Variants in CNGB3 observed in about 807,000 individuals in gnomAD.
The protein encoded by CNGB3 is cyclic nucleotide-gated channel beta-3.
In CNGB3, 86 loss-of-function variants were observed where a neutral mutation model predicts 92.8. That is an observed-to-expected ratio of 0.93 (90% CI 0.78 to 1.11). The LOEUF (loss-of-function observed/expected upper bound fraction) is 1.11, where lower values mean the gene tolerates loss of function less well. CNGB3 is among the 50% of genes least tolerant of loss of function. The probability of loss-of-function intolerance (pLI) is 0.00; values close to 1 mark genes in which losing one functional copy is unlikely to be tolerated. For synonymous variants in CNGB3, 333 were observed against 332.7 expected (o/e 1.00, Z -0.01); for missense variants, 1,026 against 956.8 (o/e 1.07, Z -0.95).
chr8:86,704,821 C>T lies in CNGB3; in HGVS notation c.338+21710G>A, dbSNP rs144090898. On this transcript the variant is annotated intron_variant, in intron 3 of 17. Coordinates refer to ENST00000320005, the MANE Select transcript of CNGB3 (RefSeq NM_019098.5). ...CTGACTGTCATTTTTAACATTGTTA[C>T]AATGGAAAAATGCATTAGGAGTTTC... 5.9e-3 allele frequency among the ~76,000 whole-genome samples: 899 copies of T among 152,212 alleles called. 8 individuals carry two copies. The highest frequency in any genetic ancestry group is 0.02 in the African/African-American group (830 of 41,546).
intron 6 of CNGB3, among the ~76,000 whole-genome samples, chr8:86,663,461 T>C (rs1823684811): frequency 6.6e-6 from 1 of 152,252 alleles, no homozygotes; most frequent in South Asian, 2.1e-4. Context: ...TAAGGCCTCC[T>C]GGTTTCTATT....
intron 15 of CNGB3, among the ~76,000 whole-genome samples, chr8:86,599,697 T>C (rs1822250306): frequency 6.6e-6 from 1 of 152,180 alleles, no homozygotes; most frequent in Non-Finnish European, 1.5e-5. Context: ...CCAGGCTTAT[T>C]AGGACGAGAA....
intron 3 of CNGB3, among the ~76,000 whole-genome samples, chr8:86,726,182 C>T (rs199719763): frequency 1.3e-5 from 2 of 152,248 alleles, no homozygotes; most frequent in East Asian, 3.9e-4. Context: ...TATTTGTGAG[C>T]TTGGAAAATT....
intron 3 of CNGB3, among the ~76,000 whole-genome samples, chr8:86,724,074 G>A (rs1436029882): frequency 6.6e-6 from 1 of 152,122 alleles, no homozygotes; most frequent in African/African-American, 2.4e-5. Flanking sequence ...ACTACCTATT[G>A]TGTACTGTGC....
chr8:86,705,824 T>C (rs1432554139), intron 3 of CNGB3, among the ~76,000 whole-genome samples: 1 of 152,182 alleles, frequency 6.6e-6, no homozygotes, highest in Admixed American at 6.5e-5. Flanking sequence ...CACCAATGCA[T>C]GGAGTTAGTT....
chr8:86,716,205 C>T (rs1824850046), intron 3 of CNGB3, among the ~76,000 whole-genome samples: 1 of 152,056 alleles, frequency 6.6e-6, no homozygotes, highest in African/African-American at 2.4e-5. Context: ...TGAACAAAGC[C>T]TCCAAGAAGT....
intron 15 of CNGB3, 124 bp from the exon 16 acceptor site, chr8:86,579,376 G>A: frequency 8.8e-7 from 1 of 1,131,354 alleles, no homozygotes; most frequent in Non-Finnish European, 1.3e-6. Context: ...TAGAGGTGAG[G>A]GTCCAGGTGA....
intron 15 of CNGB3, among the ~76,000 whole-genome samples, chr8:86,584,787 A>G (rs1821861195): frequency 6.6e-6 from 1 of 152,230 alleles, no homozygotes; most frequent in South Asian, 2.1e-4. Flanking sequence ...TTCTAATCCT[A>G]GAGCCACCTC....
At chr8:86,691,092 T>C (rs922655595) in intron 3 of CNGB3, among the ~76,000 whole-genome samples, 10 of 151,926 alleles carry the variant, frequency 6.6e-5, no homozygotes, top group African/African-American at 2.2e-4. Context: ...CCAATTCTGG[T>C]TTGGTATAAT....
At chr8:86,615,685 C>A (rs1267174594) in intron 13 of CNGB3, among the ~76,000 whole-genome samples, 2 of 151,568 alleles carry the variant, frequency 1.3e-5, no homozygotes, top group South Asian at 2.1e-4. Context: ...TAAACTCAAC[C>A]AATAGTGTGG....
At chr8:86,685,194 T>A (rs1193424611) in intron 3 of CNGB3, among the ~76,000 whole-genome samples, 1 of 152,132 alleles carries the variant, frequency 6.6e-6, no homozygotes, top group Non-Finnish European at 1.5e-5. Context: ...CCAAATTAAA[T>A]TTTTAATTCA....
chr8:86,634,388 G>T (rs990054373), intron 10 of CNGB3, among the ~76,000 whole-genome samples: 1 of 152,108 alleles, frequency 6.6e-6, no homozygotes, highest in Non-Finnish European at 1.5e-5. Flanking sequence ...TGTTTGGTAG[G>T]TTAGGTGTAT....
chr8:86,643,828 A>C lies in CNGB3; in HGVS notation c.1101T>G (p.Asn367Lys). ...TTGAAGCCCAGTAATAAACACAGGC[A>C]TTAATGTGCAGAATAAACAGCAAGT... is the stretch of plus-strand genomic sequence containing the variant. ...TGYLLFILHI[N>K]ACVYYWASNY... Residue 367 changes from asparagine to lysine, a missense_variant, in exon 10 of 18, where the codon AAT (asparagine) becomes AAG (lysine). Coordinates refer to ENST00000320005, the MANE Select transcript of CNGB3 (RefSeq NM_019098.5). 1.2e-6 allele frequency: 2 copies of C among 1,607,582 alleles called. No homozygotes were observed. The highest frequency in any genetic ancestry group is 1.7e-6 in the Non-Finnish European group (2 of 1,175,686).
chr8:86,718,688 C>T (rs1310001869), intron 3 of CNGB3, among the ~76,000 whole-genome samples: 1 of 151,962 alleles, frequency 6.6e-6, no homozygotes, highest in East Asian at 1.9e-4. Flanking sequence ...AACACTCTAC[C>T]ACCCAAACCA....
At chr8:86,592,537 A>C (rs138567549) in intron 15 of CNGB3, among the ~76,000 whole-genome samples, 283 of 152,356 alleles carry the variant, frequency 1.9e-3, no homozygotes, top group African/African-American at 6.3e-3. Context: ...GCCTGGAGAT[A>C]CATAGCTCAT....
chr8:86,619,932 G>A (rs1412178527), intron 13 of CNGB3, among the ~76,000 whole-genome samples: 2 of 151,746 alleles, frequency 1.3e-5, no homozygotes, highest in Non-Finnish European at 2.9e-5. Context: ...ATGTTGCCAG[G>A]CTGGTTTTGA....
In CNGB3 at chr8:86,685,200, A is replaced by G. The variant is rs576000341; in HGVS notation, c.339-14102T>C. On this transcript the variant is annotated intron_variant, in intron 3 of 17. Coordinates refer to ENST00000320005, the MANE Select transcript of CNGB3 (RefSeq NM_019098.5). ...AATCTATCCCCAAATTAAATTTTTA[A>G]TTCATAAAAAAGGCCTCACTAACCT... Among the ~76,000 whole-genome samples the G allele has an allele frequency of 1.9e-4, 29 of 152,112 alleles. No individual in the cohort carries two copies. In the South Asian group the frequency reaches 4.8e-3, roughly 25 times the overall value.
intron 3 of CNGB3, among the ~76,000 whole-genome samples, chr8:86,696,900 A>T (rs1443801993): frequency 6.6e-6 from 1 of 152,188 alleles, no homozygotes; most frequent in Non-Finnish European, 1.5e-5. Context: ...CAATGTTATC[A>T]TTGAATATAA....
At chr8:86,623,283 C>T (rs796290516) in intron 13 of CNGB3, among the ~76,000 whole-genome samples, 3 of 152,148 alleles carry the variant, frequency 2.0e-5, no homozygotes, top group African/African-American at 7.2e-5. Context: ...CTAACAGTCA[C>T]CTCATCAAAC....
Sources: allele counts gnomAD v4.1 joint callset (sites outside exome capture counted in the v4.1 genomes callset), GRCh38; gene constraint gnomAD v4.1.1; transcripts MANE v1.5; gene names NCBI Gene and HGNC (gene_info 2026-07-23, HGNC 2026-07-21).